SLC60A1: variants seen among roughly 807,000 people sequenced by gnomAD.
SLC60A1 encodes the protein solute carrier family 60 member 1.
chr1:205,597,938 CA>C, the SLC60A1 span: 30 of 1,336,926 alleles, frequency 2.2e-5, no homozygotes, highest in Non-Finnish European at 3.1e-5. Context: ...CTTCTGAACT[CA>C]AACTGTCCCT....
chr1:205,590,269 A>T, the SLC60A1 span, among the ~76,000 whole-genome samples: 2 of 152,220 alleles, frequency 1.3e-5, no homozygotes, highest in Non-Finnish European at 2.9e-5. Context: ...CCACCCCAAC[A>T]TTGAGAGAGT....
chr1:205,596,544 C>CAAAAAAAAAAAAAAA, the SLC60A1 span, among the ~76,000 whole-genome samples: 9 of 49,110 alleles, frequency 1.8e-4, 1 homozygote, highest in Non-Finnish European at 3.1e-4. Flanking sequence ...GACTCTGTCT[C>CAAAAAAAAAAAAAAA]AAAAAAAAAA....
the SLC60A1 span, chr1:205,598,915 T>C: frequency 1.7e-6 from 1 of 599,756 alleles, no homozygotes; most frequent in Non-Finnish European, 2.9e-6. Context: ...GGTCACCAGG[T>C]CCAGTCCCTG....
the SLC60A1 span, among the ~76,000 whole-genome samples, chr1:205,582,215 T>C: frequency 6.6e-6 from 1 of 152,202 alleles, no homozygotes; most frequent in Non-Finnish European, 1.5e-5. Context: ...ACCTCTAGGC[T>C]GAGACTCCCA....
At chr1:205,600,832 A>G in the SLC60A1 span, 1 of 200,394 alleles carries the variant, frequency 5.0e-6, no homozygotes, top group South Asian at 1.1e-4. Flanking sequence ...GAAATTGTAA[A>G]GCTCCATGAT....
chr1:205,599,704 T>C, the SLC60A1 span: 1 of 158,672 alleles, frequency 6.3e-6, no homozygotes, highest in African/African-American at 2.4e-5. Context: ...AAGAAGTCCT[T>C]CAGGCCAAGT....
the SLC60A1 span, among the ~76,000 whole-genome samples, chr1:205,591,317 A>T: frequency 6.6e-6 from 1 of 151,888 alleles, no homozygotes; most frequent in East Asian, 1.9e-4. Flanking sequence ...CCCTTTCTCG[A>T]CTAAAAATAC....
chr1:205,570,576 A>G, the SLC60A1 span, among the ~76,000 whole-genome samples: 3 of 152,204 alleles, frequency 2.0e-5, no homozygotes, highest in African/African-American at 7.2e-5. Flanking sequence ...AACATGACCA[A>G]TTTTGGAAGC....
chr1:205,592,724 C>G, the SLC60A1 span, among the ~76,000 whole-genome samples: 2 of 152,164 alleles, frequency 1.3e-5, no homozygotes, highest in African/African-American at 4.8e-5. Flanking sequence ...GAATGATCCC[C>G]GTAATGATGG....
the SLC60A1 span, among the ~76,000 whole-genome samples, chr1:205,578,700 T>A: frequency 2.4e-4 from 37 of 152,108 alleles, no homozygotes; most frequent in African/African-American, 8.9e-4. Context: ...CTCTTTTTTT[T>A]TCAGTGTGAA....
At chr1:205,587,392 C>T in the SLC60A1 span, among the ~76,000 whole-genome samples, 1 of 151,974 alleles carries the variant, frequency 6.6e-6, no homozygotes, top group Non-Finnish European at 1.5e-5. Flanking sequence ...GATCATGATC[C>T]CCAAGAAAGG....
At chr1:205,585,085 T>C in the SLC60A1 span, 3 of 1,061,996 alleles carry the variant, frequency 2.8e-6, no homozygotes. This position sits in a 1 kb window ranked among gnomAD's most constrained non-coding sequence, Gnocchi z 4.2. Flanking sequence ...AGCATGAAGG[T>C]TTCCTGGAGA....
the SLC60A1 span, among the ~76,000 whole-genome samples, chr1:205,577,312 A>T: frequency 6.6e-6 from 1 of 152,004 alleles, no homozygotes; most frequent in Admixed American, 6.5e-5. This position sits in a 1 kb window ranked among gnomAD's most constrained non-coding sequence, Gnocchi z 5.2. Flanking sequence ...AGGCCACCCC[A>T]TGTGGGCTGG....
At chr1:205,591,478 T>C in the SLC60A1 span, among the ~76,000 whole-genome samples, 1 of 90,352 alleles carries the variant, frequency 1.1e-5, no homozygotes, top group African/African-American at 4.3e-5. Context: ...TGAGACCCTG[T>C]CTCTCAAAAA....
chr1:205,592,337 G>A, the SLC60A1 span: 9 of 1,542,074 alleles, frequency 5.8e-6, no homozygotes, highest in Middle Eastern at 2.2e-4. Context: ...GCTGGGCGCC[G>A]CCGCCTCGCT....
the SLC60A1 span, among the ~76,000 whole-genome samples, chr1:205,575,117 C>T: frequency 6.6e-6 from 1 of 152,158 alleles, no homozygotes; most frequent in African/African-American, 2.4e-5. Flanking sequence ...GCCCTAGCTC[C>T]CAGGGGGTCC....
At chr1:205,586,699 CT>C in the SLC60A1 span, among the ~76,000 whole-genome samples, 1,127 of 142,102 alleles carry the variant, frequency 7.9e-3, 5 homozygotes, top group African/African-American at 0.019. Context: ...CTAGGTGACT[CT>C]TTTTTTTTTT....
chr1:205,587,888 G>A, the SLC60A1 span, among the ~76,000 whole-genome samples: 76 of 152,288 alleles, frequency 5.0e-4, no homozygotes, highest in African/African-American at 1.7e-3. Context: ...TAAGACAGAG[G>A]AGAGTGGGTG....
At chr1:205,594,429 G>A in the SLC60A1 span, among the ~76,000 whole-genome samples, 1 of 152,208 alleles carries the variant, frequency 6.6e-6, no homozygotes, top group Non-Finnish European at 1.5e-5. Flanking sequence ...GCTGAGGCGG[G>A]TGGATCACTT....
Sources: gnomAD v4.1 joint callset for allele counts (sites outside exome capture counted in the v4.1 genomes callset) on GRCh38, gnomAD v4.1.1 for gene constraint, Gnocchi (gnomAD v3.1) non-coding constraint, MANE v1.5 for transcripts, NCBI Gene and HGNC (gene_info 2026-07-23, HGNC 2026-07-21) for gene names.